PCDHGA10: variants seen among roughly 807,000 people sequenced by gnomAD.
PCDHGA10 encodes the protein protocadherin gamma-A10.
Under a neutral mutation model 59.5 loss-of-function variants are expected in PCDHGA10, and 42 were observed. That is an observed-to-expected ratio of 0.71 (90% confidence interval 0.55 to 0.91). The LOEUF is 0.91. Ranked by LOEUF, PCDHGA10 falls within the 40% of genes least tolerant of loss-of-function variation. PCDHGA10 has a pLI of 0.00. For synonymous variants in PCDHGA10, 511 were observed against 517.2 expected (o/e 0.99, Z 0.16); for missense variants, 1,111 against 1,198.2 (o/e 0.93, Z 1.07).
Position 141,466,657 on chromosome 5 carries a change from C to T in PCDHGA10, c.2437-28150C>T, listed in dbSNP as rs143657719. Among the ~76,000 whole-genome samples the T allele has an allele frequency of 1.4e-3, 211 of 152,280 alleles. 1 individual carries two copies. The highest frequency in any genetic ancestry group is 4.7e-3 in the African/African-American group (197 of 41,542). On this transcript the variant is annotated intron_variant, in intron 1 of 3. Transcript: ENST00000398610. ...TCTCCATAAACTTTTCACAAAACAT[C>T]AGTGATTTCACCGTTCTTCCACTCA...
At chr5:141,494,355 G>T (rs910437011) in intron 1 of PCDHGA10, among the ~76,000 whole-genome samples, 4 of 152,234 alleles carry the variant, frequency 2.6e-5, no homozygotes, top group African/African-American at 9.6e-5. Flanking sequence ...CCATCTTGCT[G>T]CAGAGGATGC....
rs2095830931 is a variant in PCDHGA10 at position 141,415,116 on chromosome 5, A to G, written c.1941A>G (p.Val647=). 3 of 1,613,652 alleles carry G rather than the reference A, an allele frequency of 1.9e-6. No individual in the cohort carries two copies. The East Asian group carries it at 6.7e-5, about 36-fold the overall frequency. The change falls in exon 1 of 4, where the codon GTA becomes GTG. Residue 647 remains valine (V), a synonymous_variant. Transcript: ENST00000398610. The stretch of plus-strand genomic sequence containing the variant: ...GAGACGCGCTCAAGCAAAGCCTCGT[A>G]GTGGCCGTCCAGGACCACGGCCAGC... ...LDRDALKQSL[V]VAVQDHGQPP... is the part of the protein sequence containing the mutation.
intron 1 of PCDHGA10, among the ~76,000 whole-genome samples, chr5:141,460,407 TTG>T: frequency 6.6e-6 from 1 of 152,188 alleles, no homozygotes; most frequent in Non-Finnish European, 1.5e-5. Flanking sequence ...TCCTTTTGAG[TTG>T]ATGTTTATGT....
In PCDHGA10 at chr5:141,414,245, T is replaced by A; in HGVS notation, c.1070T>A (p.Phe357Tyr). The change falls in exon 1 of 4, where the codon TTT (phenylalanine) becomes TAT (tyrosine). Residue 357 changes from phenylalanine (F) to tyrosine (Y), a missense_variant. Phe to Tyr is a conservative substitution (Grantham distance 22, BLOSUM62 3). Coordinates refer to ENST00000398610, the MANE Select transcript of PCDHGA10 (RefSeq NM_018913.3). ...CCAGAGCTGACCATCACGTCTCTAT[T>A]TAGTCCAGTGACTGAAGATTCACCT... ...NSPELTITSL[F>Y]SPVTEDSPLG... The A allele has an allele frequency of 1.2e-6, 2 of 1,613,498 alleles. No homozygotes were observed. The highest frequency in any genetic ancestry group is 1.7e-6 in the Non-Finnish European group (2 of 1,179,760).
At chr5:141,444,183 T>G (rs2098423667) in intron 1 of PCDHGA10, among the ~76,000 whole-genome samples, 1 of 138,396 alleles carries the variant, frequency 7.2e-6, no homozygotes, top group African/African-American at 2.8e-5. Flanking sequence ...TTTTTTTTTT[T>G]TTTTTGAGAT....
intron 1 of PCDHGA10, among the ~76,000 whole-genome samples, chr5:141,448,751 T>C (rs888567097): frequency 1.3e-5 from 2 of 151,804 alleles, no homozygotes; most frequent in South Asian, 4.2e-4. Context: ...CCATCCTGGC[T>C]AACACGGTGA....
chr5:141,431,498 T>C lies in PCDHGA10; in HGVS notation c.2436+15887T>C, dbSNP rs1274311782. On this transcript the variant is annotated intron_variant, in intron 1 of 3. Coordinates refer to ENST00000398610, the MANE Select transcript of PCDHGA10 (RefSeq NM_018913.3). The surrounding 1 kb of genome is among the most constrained non-coding windows in gnomAD (Gnocchi z 4.8). ...CGCACCAGCGTTTGCTCAGCCCGAG[T>C]ACCGCGCGAGCGTTCCGGAGAATCT... The C allele has an allele frequency of 6.2e-7, 1 of 1,613,992 alleles. No homozygotes were observed. Among genetic ancestry groups the C allele is most frequent in the Non-Finnish European group, 8.5e-7 (1 of 1,180,034 alleles).
intron 1 of PCDHGA10, chr5:141,426,860 A>T (rs771106873): frequency 2.6e-5 from 12 of 456,702 alleles, no homozygotes; most frequent in Admixed American, 2.3e-4. Flanking sequence ...CTCCAGAATT[A>T]GTGCTGGAGA....
In PCDHGA10 at chr5:141,491,803, C is replaced by T. The variant is rs2099730932; in HGVS notation, c.2437-3004C>T. ...CTTGCATCCACTCCTCTCCGGCCGG[C>T]TTGGTCGCTGGCTGCGCTCCACCCG... On this transcript the variant is annotated intron_variant, in intron 1 of 3. Transcript: ENST00000398610. This position sits in a 1 kb window ranked among gnomAD's most constrained non-coding sequence, Gnocchi z 6.9. 1 of 1,497,820 alleles carries T rather than the reference C, an allele frequency of 6.7e-7. No individual in the cohort carries two copies. Among genetic ancestry groups the T allele is most frequent in the Non-Finnish European group, 8.9e-7 (1 of 1,124,124 alleles). 92.8% of individuals were successfully genotyped at this position (1,497,820 alleles called of 1,614,324 possible).
At chr5:141,466,104 AGAGT>A (rs2154569127) in intron 1 of PCDHGA10, among the ~76,000 whole-genome samples, 1 of 152,144 alleles carries the variant, frequency 6.6e-6, no homozygotes, top group Admixed American at 6.5e-5. Flanking sequence ...CCTGGGCAAC[AGAGT>A]GAGACTCCAG....
chr5:141,489,530 G>A lies in PCDHGA10; in HGVS notation c.2437-5277G>A. 6.2e-7 allele frequency: 1 copy of A among 1,614,092 alleles called. No homozygotes were observed. Among genetic ancestry groups the A allele is most frequent in the Non-Finnish European group, 8.5e-7 (1 of 1,180,022 alleles). On this transcript the variant is annotated intron_variant, in intron 1 of 3. Transcript: ENST00000398610. This position sits in a 1 kb window ranked among gnomAD's most constrained non-coding sequence, Gnocchi z 4.5. ...AAGATTGACCGAGAAAGCCTATGTGGAGCCAGCACCAGCTGCCTGCTGCCA... is the reference window on the plus strand; with the variant it reads ...AAGATTGACCGAGAAAGCCTATGTGAAGCCAGCACCAGCTGCCTGCTGCCA...
At chr5:141,457,432 C>G (rs982456249) in intron 1 of PCDHGA10, among the ~76,000 whole-genome samples, 1 of 152,172 alleles carries the variant, frequency 6.6e-6, no homozygotes, top group Non-Finnish European at 1.5e-5. Context: ...TCCCCCCCAC[C>G]AAGCTGCAGA....
chr5:141,451,521 T>A (rs1164313767), intron 1 of PCDHGA10, among the ~76,000 whole-genome samples: 2 of 152,148 alleles, frequency 1.3e-5, no homozygotes, highest in African/African-American at 4.8e-5. Flanking sequence ...TTAGAGCAAG[T>A]AAAGGAGAGT....
At position 141,512,574 on chromosome 5, in the gene PCDHGA10, C is replaced by T. The variant is rs1429371202; in HGVS notation, c.*1401C>T. 6.5e-6 allele frequency: 1 copy of T among 152,884 alleles called. No homozygotes were observed. Among genetic ancestry groups the T allele is most frequent in the Non-Finnish European group, 1.5e-5 (1 of 68,502 alleles). The allele number at this position is 152,884 out of a possible 1,614,324, so 9.5% of individuals were successfully genotyped here. On this transcript the variant is annotated 3_prime_UTR_variant, in exon 4 of 4. Coordinates refer to ENST00000398610, the MANE Select transcript of PCDHGA10 (RefSeq NM_018913.3). ...GTGCATAGACCTTCTTCTCCCACCCCCTTCTGCCCCTGGGTCCCCGGCCAT... is the reference window on the plus strand; with the variant it reads ...GTGCATAGACCTTCTTCTCCCACCCTCTTCTGCCCCTGGGTCCCCGGCCAT...
At position 141,431,790 on chromosome 5, in the gene PCDHGA10, C is replaced by G; in HGVS notation, c.2436+16179C>G. ...ACTGTTCTGGACGTGAACGACAATG[C>G]CCCAGAAGTGGTCCTCACCTCTCTC... On this transcript the variant is annotated intron_variant, in intron 1 of 3. Coordinates refer to ENST00000398610, the MANE Select transcript of PCDHGA10 (RefSeq NM_018913.3). The surrounding 1 kb of genome is among the most constrained non-coding windows in gnomAD (Gnocchi z 4.8). 1 of 1,614,186 alleles carries G rather than the reference C, an allele frequency of 6.2e-7. No homozygotes were observed. Among genetic ancestry groups the G allele is most frequent in the Non-Finnish European group, 8.5e-7 (1 of 1,180,016 alleles).
rs775132338 is a variant in PCDHGA10 at position 141,490,858 on chromosome 5, G to A, written c.2437-3949G>A. On this transcript the variant is annotated intron_variant, in intron 1 of 3. Coordinates refer to ENST00000398610, the MANE Select transcript of PCDHGA10 (RefSeq NM_018913.3). This position sits in a 1 kb window ranked among gnomAD's most constrained non-coding sequence, Gnocchi z 5.4. Reference sequence around the variant, plus strand: ...GATTGTGGTGGGGGTTCGAGACTCCGGCTCTCCCCCATTGCATGCCAACAC... The same window carrying A: ...GATTGTGGTGGGGGTTCGAGACTCCAGCTCTCCCCCATTGCATGCCAACAC... 14 of 1,613,704 alleles carry A rather than the reference G, an allele frequency of 8.7e-6. No homozygotes were observed. Among genetic ancestry groups the A allele is most frequent in the South Asian group, 2.2e-5 (2 of 91,068 alleles).
chr5:141,489,935 T>C lies in PCDHGA10; in HGVS notation c.2437-4872T>C. On this transcript the variant is annotated intron_variant, in intron 1 of 3. Coordinates refer to ENST00000398610, the MANE Select transcript of PCDHGA10 (RefSeq NM_018913.3). The surrounding 1 kb of genome is among the most constrained non-coding windows in gnomAD (Gnocchi z 4.5). ...GGGACCACCCTTATCTCTGTCATCG[T>C]GCTGGACATCAATGATAATGCTCCA... 1 of 1,614,216 alleles carries C rather than the reference T, an allele frequency of 6.2e-7. No individual in the cohort carries two copies.
At chr5:141,434,453 T>C (rs1172243323) in intron 1 of PCDHGA10, among the ~76,000 whole-genome samples, 1 of 152,226 alleles carries the variant, frequency 6.6e-6, no homozygotes, top group Non-Finnish European at 1.5e-5. Context: ...TGGAAGGTAG[T>C]GGGTTTACCG....
At chr5:141,435,503 A>G (rs2097767522) in intron 1 of PCDHGA10, among the ~76,000 whole-genome samples, 1 of 152,170 alleles carries the variant, frequency 6.6e-6, no homozygotes, top group Non-Finnish European at 1.5e-5. Context: ...TACACTAATG[A>G]TACTAATGAT....
Sources: gnomAD v4.1 joint callset for allele counts (sites outside exome capture counted in the v4.1 genomes callset) on GRCh38, gnomAD v4.1.1 for gene constraint, Gnocchi (gnomAD v3.1) non-coding constraint, MANE v1.5 for transcripts, NCBI Gene and HGNC (gene_info 2026-07-23, HGNC 2026-07-21) for gene names.